The following CCSER1 variants were observed in gnomAD, a reference collection of about 807,000 sequenced individuals.
CCSER1 encodes serine-rich coiled-coil domain-containing protein 1.
Under a neutral mutation model 82.0 loss-of-function variants are expected in CCSER1, and 41 were observed. The observed-to-expected ratio is 0.50, with a 90% CI of 0.39 to 0.65. The LOEUF is 0.65. CCSER1 is among the 30% of genes least tolerant of loss of function. The pLI, the probability that CCSER1 is intolerant of heterozygous loss-of-function variation, is 0.00. For missense variants in CCSER1, 1,119 were observed against 1,064.2 expected, an observed-to-expected ratio of 1.05 and a Z score of -0.72; for synonymous variants, 414 against 383.9, an observed-to-expected ratio of 1.08 and a Z score of -0.92.
At chr4:91,110,024 T>C (rs1725959697) in intron 10 of CCSER1, among the ~76,000 whole-genome samples, 1 of 152,100 alleles carries the variant, frequency 6.6e-6, no homozygotes. Flanking sequence ...ATACAAGTTC[T>C]GCCCTTTGCT....
intron 10 of CCSER1, among the ~76,000 whole-genome samples, chr4:91,272,246 G>C (rs1250501553): frequency 6.6e-6 from 1 of 152,092 alleles, no homozygotes; most frequent in Admixed American, 6.6e-5. Context: ...CCTGTTCACT[G>C]CATTCACACC....
At chr4:90,140,400 T>C (rs970027440) in intron 1 of CCSER1, among the ~76,000 whole-genome samples, 2 of 152,296 alleles carry the variant, frequency 1.3e-5, no homozygotes, top group African/African-American at 2.4e-5. Context: ...GATTTTAGAG[T>C]GTGTTTATAG....
At chr4:90,585,322 A>G (rs28725349) in intron 5 of CCSER1, among the ~76,000 whole-genome samples, 1,670 of 152,316 alleles carry the variant, frequency 0.011, 9 homozygotes, top group Non-Finnish European at 0.017. Context: ...CTCAAAATTT[A>G]TATATTTTTG....
At chr4:90,417,221 T>TA (rs948747080) in intron 4 of CCSER1, among the ~76,000 whole-genome samples, 9 of 152,128 alleles carry the variant, frequency 5.9e-5, no homozygotes, top group East Asian at 1.9e-4. Flanking sequence ...ATAATAAATA[T>TA]AAAAAAAATT....
intron 4 of CCSER1, among the ~76,000 whole-genome samples, chr4:90,452,063 G>A (rs1430876456): frequency 1.3e-5 from 2 of 152,090 alleles, no homozygotes; most frequent in Non-Finnish European, 2.9e-5. Flanking sequence ...AGCTCATCTA[G>A]TTGAGTACTC....
chr4:90,822,090 AT>A (rs1345743461), intron 8 of CCSER1, among the ~76,000 whole-genome samples: 20 of 152,186 alleles, frequency 1.3e-4, no homozygotes, highest in East Asian at 7.7e-4. Flanking sequence ...AATTCAAAAT[AT>A]TTTTTAAGTA....
chr4:90,461,603 A>C (rs1425423596), intron 4 of CCSER1, among the ~76,000 whole-genome samples: 3 of 152,104 alleles, frequency 2.0e-5, no homozygotes, highest in Non-Finnish European at 4.4e-5. Flanking sequence ...ATATATATAT[A>C]ACATTTTCTC....
intron 10 of CCSER1, among the ~76,000 whole-genome samples, chr4:91,493,930 G>T (rs1001823675): frequency 6.6e-6 from 1 of 151,746 alleles, no homozygotes; most frequent in African/African-American, 2.4e-5. Context: ...TCTTTCCACA[G>T]GGGAGCACAT....
intron 4 of CCSER1, among the ~76,000 whole-genome samples, chr4:90,432,232 TA>T (rs1758371288): frequency 6.6e-6 from 1 of 152,168 alleles, no homozygotes; most frequent in African/African-American, 2.4e-5. Flanking sequence ...TTTCATAAAA[TA>T]AAGTCTTAAT....
At chr4:90,258,921 T>G (rs949617736) in intron 1 of CCSER1, among the ~76,000 whole-genome samples, 1 of 152,182 alleles carries the variant, frequency 6.6e-6, no homozygotes, top group African/African-American at 2.4e-5. Context: ...ATGTGATACC[T>G]CCAGATTTGT....
At chr4:91,245,143 C>G (rs191233773) in intron 10 of CCSER1, among the ~76,000 whole-genome samples, 8 of 152,174 alleles carry the variant, frequency 5.3e-5, no homozygotes, top group African/African-American at 1.7e-4. Context: ...CCTGCAAGAT[C>G]TGGAAAATAG....
chr4:90,543,607 A>G (rs1368083008), intron 5 of CCSER1, among the ~76,000 whole-genome samples: 2 of 152,166 alleles, frequency 1.3e-5, no homozygotes, highest in African/African-American at 4.8e-5. Context: ...GACAGAGTCC[A>G]TTGCAGCAGA....
chr4:90,234,275 G>A (rs1745325902), intron 1 of CCSER1, among the ~76,000 whole-genome samples: 1 of 150,778 alleles, frequency 6.6e-6, no homozygotes, highest in African/African-American at 2.4e-5. Context: ...GGAGTGTGAT[G>A]GCATGATCTC....
At chr4:90,429,676 G>A (rs1183456020) in intron 4 of CCSER1, among the ~76,000 whole-genome samples, 2 of 151,684 alleles carry the variant, frequency 1.3e-5, no homozygotes, top group Non-Finnish European at 3.0e-5. Context: ...AGTGACATAA[G>A]CAGACAAAGA....
At chr4:90,241,814 A>T (rs1436747667) in intron 1 of CCSER1, among the ~76,000 whole-genome samples, 1 of 152,224 alleles carries the variant, frequency 6.6e-6, no homozygotes, top group Non-Finnish European at 1.5e-5. Context: ...TTTAATTGTA[A>T]TATGGAAAAT....
intron 6 of CCSER1, among the ~76,000 whole-genome samples, chr4:90,638,410 C>T (rs1207814705): frequency 2.6e-5 from 4 of 152,066 alleles, no homozygotes; most frequent in Admixed American, 2.6e-4. Context: ...CTTGTGAGAC[C>T]TGTAAAACAA....
intron 3 of CCSER1, among the ~76,000 whole-genome samples, chr4:90,342,632 C>A (rs539177339): frequency 6.6e-6 from 1 of 152,282 alleles, no homozygotes; most frequent in East Asian, 1.9e-4. Flanking sequence ...AACCATAGCA[C>A]CGAGTATCCC....
At chr4:91,235,767 G>C (rs1738953404) in intron 10 of CCSER1, among the ~76,000 whole-genome samples, 1 of 151,972 alleles carries the variant, frequency 6.6e-6, no homozygotes, top group Non-Finnish European at 1.5e-5. Context: ...TTCATTTGAT[G>C]ACTAGGTAAT....
At chr4:91,205,805 A>T (rs888361453) in intron 10 of CCSER1, among the ~76,000 whole-genome samples, 4 of 151,786 alleles carry the variant, frequency 2.6e-5, no homozygotes, top group Non-Finnish European at 5.9e-5. Context: ...TTTTTAAAAG[A>T]TCATTAGACA....
Sources: allele counts gnomAD v4.1 joint callset (sites outside exome capture counted in the v4.1 genomes callset), GRCh38; gene constraint gnomAD v4.1.1; transcripts MANE v1.5; gene names NCBI Gene and HGNC (gene_info 2026-07-23, HGNC 2026-07-21).